The following PEBP4 variants were observed in gnomAD, a reference collection of about 807,000 sequenced individuals.
The protein encoded by PEBP4 is phosphatidylethanolamine binding protein 4, also known as phosphatidylethanolamine-binding protein 4.
PEBP4 carries 22 observed loss-of-function variants against 23.9 expected under a neutral mutation model. The ratio of observed to expected loss-of-function variants is 0.92; its 90% CI spans 0.66 to 1.31. The LOEUF is 1.31. PEBP4 is among the 40% of genes most tolerant of loss of function. The probability of loss-of-function intolerance (pLI) is 0.00; values close to 1 mark genes in which losing one functional copy is unlikely to be tolerated. For synonymous variants in PEBP4, 112 were observed against 99.3 expected (o/e 1.13, Z -0.76); for missense variants, 324 against 281.7 (o/e 1.15, Z -1.07).
chr8:22,918,125 T>G (rs1376628920), intron 3 of PEBP4, among the ~76,000 whole-genome samples: 2 of 152,230 alleles, frequency 1.3e-5, no homozygotes, highest in Non-Finnish European at 2.9e-5. Context: ...GAGACTTAAA[T>G]GAAAGGTCCG....
intron 3 of PEBP4, among the ~76,000 whole-genome samples, chr8:22,913,716 G>A (rs770431772): frequency 6.6e-6 from 1 of 152,132 alleles, no homozygotes; most frequent in East Asian, 1.9e-4. Context: ...CATTCACACC[G>A]TTTATCACCT....
chr8:22,927,815 A>G lies in PEBP4; in HGVS notation c.-7+8T>C. ...CGACCCCAGGGGCCCACTTGGCAGG[A>G]TAGAGACCTCTGGTTAAGCACAGGG... is the stretch of plus-strand genomic sequence containing the variant. On this transcript the variant is annotated splice_region_variant and intron_variant, in intron 1 of 6. Coordinates refer to ENST00000256404, the MANE Select transcript of PEBP4 (RefSeq NM_144962.3). 1 of 1,496,042 alleles carries G rather than the reference A, an allele frequency of 6.7e-7. No homozygotes were observed. The highest frequency in any genetic ancestry group is 9.1e-7 in the Non-Finnish European group (1 of 1,100,270). 92.7% of individuals were successfully genotyped at this position (1,496,042 alleles called of 1,614,324 possible).
intron 3 of PEBP4, among the ~76,000 whole-genome samples, chr8:22,841,588 G>T (rs1807330302): frequency 6.6e-6 from 1 of 152,208 alleles, no homozygotes; most frequent in Non-Finnish European, 1.5e-5. Flanking sequence ...AGGCCTCCAG[G>T]TAATCAGAGG....
chr8:22,860,395 C>A (rs1026972944), intron 3 of PEBP4, among the ~76,000 whole-genome samples: 1 of 151,928 alleles, frequency 6.6e-6, no homozygotes, highest in Non-Finnish European at 1.5e-5. Context: ...TCTTCCCTCT[C>A]CCCCCAGCTC....
At chr8:22,866,303 A>G (rs1807901879) in intron 3 of PEBP4, among the ~76,000 whole-genome samples, 2 of 152,112 alleles carry the variant, frequency 1.3e-5, no homozygotes, top group Non-Finnish European at 2.9e-5. Context: ...CCTTTTCGCT[A>G]TCCTTCTCCG....
intron 3 of PEBP4, among the ~76,000 whole-genome samples, chr8:22,869,138 C>T (rs1807960675): frequency 1.3e-5 from 2 of 152,278 alleles, no homozygotes; most frequent in South Asian, 4.1e-4. Context: ...CTTTCTCTGC[C>T]TTCTTGGTTC....
intron 3 of PEBP4, among the ~76,000 whole-genome samples, chr8:22,819,263 G>A (rs1806809253): frequency 6.6e-6 from 1 of 152,174 alleles, no homozygotes; most frequent in African/African-American, 2.4e-5. Context: ...GAAAGCAGGT[G>A]TCACAAAAGC....
At chr8:22,936,584 C>G (rs572022634) in intron 1 of PEBP4, among the ~76,000 whole-genome samples, 2 of 152,324 alleles carry the variant, frequency 1.3e-5, no homozygotes, top group South Asian at 4.1e-4. Flanking sequence ...GGAGAGAATA[C>G]TCCCTGACTC....
intron 3 of PEBP4, among the ~76,000 whole-genome samples, chr8:22,890,819 A>C (rs113566896): frequency 0.048 from 7,236 of 152,178 alleles, 362 homozygotes; most frequent in African/African-American, 0.13. Context: ...TTTCCTCAAC[A>C]TCTTCCCCCT....
At position 22,737,210 on chromosome 8, in the gene PEBP4, C is replaced by T. The variant is rs911756556; in HGVS notation, c.358-9990G>A. On this transcript the variant is annotated intron_variant, in intron 4 of 6. Coordinates refer to ENST00000256404, the MANE Select transcript of PEBP4 (RefSeq NM_144962.3). ...TCGGGAGGCTGAGGCAGGAGAATCG[C>T]TTGAACCCGGAAGCCAGAGGTTGCA... 3.4e-5 allele frequency among the ~76,000 whole-genome samples: 5 copies of T among 148,378 alleles called. No individual in the cohort carries two copies. The Admixed American group carries it at 3.4e-4, about 10-fold the overall frequency.
At chr8:22,912,887 C>G (rs965523527) in intron 3 of PEBP4, among the ~76,000 whole-genome samples, 3 of 152,170 alleles carry the variant, frequency 2.0e-5, no homozygotes, top group East Asian at 3.9e-4. Context: ...TCGTCCTTGC[C>G]TGGGTGCTGC....
chr8:22,919,472 A>T (rs146997150), intron 3 of PEBP4, among the ~76,000 whole-genome samples: 2 of 152,336 alleles, frequency 1.3e-5, no homozygotes, highest in East Asian at 3.9e-4. Context: ...CCAGAAGGCC[A>T]GATCAGCTTC....
intron 4 of PEBP4, chr8:22,747,604 G>T (rs572082050): frequency 6.6e-6 from 1 of 152,146 alleles, no homozygotes; most frequent in Admixed American, 6.5e-5. Flanking sequence ...GCACGCTCAG[G>T]GGGGTGGGGG....
intron 3 of PEBP4, among the ~76,000 whole-genome samples, chr8:22,849,065 T>A (rs981072331): frequency 1.3e-5 from 2 of 152,142 alleles, no homozygotes; most frequent in Non-Finnish European, 2.9e-5. Context: ...GATCTTAAAG[T>A]GCTTGGGACT....
intron 3 of PEBP4, among the ~76,000 whole-genome samples, chr8:22,826,941 C>T (rs200636734): frequency 6.6e-6 from 1 of 152,352 alleles, no homozygotes; most frequent in East Asian, 1.9e-4. Flanking sequence ...GGTGTATCAT[C>T]ATTATCCTGG....
chr8:22,933,575 T>A (rs1809493640), intron 1 of PEBP4, among the ~76,000 whole-genome samples: 1 of 152,144 alleles, frequency 6.6e-6, no homozygotes, highest in Admixed American at 6.6e-5. Context: ...AAAAGTATCT[T>A]CCAAAATATT....
intron 6 of PEBP4, among the ~76,000 whole-genome samples, chr8:22,721,079 C>G (rs910147064): frequency 6.6e-6 from 1 of 152,128 alleles, no homozygotes; most frequent in African/African-American, 2.4e-5. Flanking sequence ...CTCCACGACC[C>G]TTGCTGTGCT....
At chr8:22,907,151 C>T (rs1485199362) in intron 3 of PEBP4, among the ~76,000 whole-genome samples, 2 of 152,044 alleles carry the variant, frequency 1.3e-5, no homozygotes, top group East Asian at 1.9e-4. Flanking sequence ...TAAAGCATGC[C>T]CCATGCAGTC....
intron 2 of PEBP4, chr8:22,925,346 G>C (rs1585160176): frequency 2.0e-6 from 2 of 985,032 alleles, no homozygotes; most frequent in East Asian, 2.3e-4. Flanking sequence ...CTGGGGTGAA[G>C]GTTGTCAGAA....
Sources: gnomAD v4.1 joint callset for allele counts (sites outside exome capture counted in the v4.1 genomes callset) on GRCh38, gnomAD v4.1.1 for gene constraint, MANE v1.5 for transcripts, NCBI Gene and HGNC (gene_info 2026-07-23, HGNC 2026-07-21) for gene names.